The following DOC2A variants were observed in gnomAD, a reference collection of about 807,000 sequenced individuals.
DOC2A encodes the protein double C2-like domain-containing protein alpha.
Under a neutral mutation model 40.6 loss-of-function variants are expected in DOC2A, and 28 were observed. That is an observed-to-expected ratio of 0.69 (90% CI 0.51 to 0.95). DOC2A has a LOEUF of 0.95. Among genes scored for constraint, DOC2A ranks in the 40% least tolerant of loss-of-function variants. The pLI is 0.00. For missense variants in DOC2A, 474 were observed against 552.5 expected, an observed-to-expected ratio of 0.86 and a Z score of 1.42; for synonymous variants, 241 against 236.9, an observed-to-expected ratio of 1.02 and a Z score of -0.16.
Position 30,006,005 on chromosome 16 carries a change from C to T in DOC2A, c.*181G>A. 1 of 680,824 alleles carries T rather than the reference C, an allele frequency of 1.5e-6. No individual in the cohort carries two copies. Among genetic ancestry groups the T allele is most frequent in the Admixed American group, 3.0e-5 (1 of 33,838 alleles). 42.2% of individuals were successfully genotyped at this position (680,824 alleles called of 1,614,324 possible). ...ACTAGCGAGTCAGGCAGGAGGTTTGCATATGTGAATATAGAACTCCGCAGC... is the reference window on the plus strand; with the variant it reads ...ACTAGCGAGTCAGGCAGGAGGTTTGTATATGTGAATATAGAACTCCGCAGC... On this transcript the variant is annotated 3_prime_UTR_variant, in exon 11 of 11. Transcript: ENST00000350119. The surrounding 1 kb of genome is among the most constrained non-coding windows in gnomAD (Gnocchi z 6.2).
chr16:30,006,383 C>T lies in DOC2A; in HGVS notation c.1057+30G>A, dbSNP rs778162140. On this transcript the variant is annotated intron_variant, in intron 10 of 10. Transcript: ENST00000350119. This position sits in a 1 kb window ranked among gnomAD's most constrained non-coding sequence, Gnocchi z 6.2. ...GCCACCTCCCTGCCACTTGCCCGCC[C>T]TCAACACCCGCAGCCAGCTCCTCCC... 12 of 1,613,508 alleles carry T rather than the reference C, an allele frequency of 7.4e-6. No homozygotes were observed. The highest frequency in any genetic ancestry group is 1.6e-4 in the Middle Eastern group (1 of 6,062).
chr16:30,015,767 C>A (rs1370541157), upstream of DOC2A, among the ~76,000 whole-genome samples: 1 of 137,112 alleles, frequency 7.3e-6, no homozygotes, highest in Non-Finnish European at 1.5e-5. Context: ...GTGGCAAGAT[C>A]ATAGCTCACG....
upstream of DOC2A, among the ~76,000 whole-genome samples, chr16:30,017,314 T>G (rs2150963427): frequency 6.7e-6 from 1 of 149,214 alleles, no homozygotes; most frequent in South Asian, 2.1e-4. Flanking sequence ...AAGAAAGAAA[T>G]CATTCCACCA....
chr16:30,010,608 G>A lies in DOC2A; in HGVS notation c.-14+295C>T, dbSNP rs890449877. 121 of 332,918 alleles carry A rather than the reference G, an allele frequency of 3.6e-4. 3 individuals are homozygous for A. Among genetic ancestry groups the A allele is most frequent in the South Asian group, 2.4e-3 (89 of 36,970 alleles). 20.6% of individuals were successfully genotyped at this position (332,918 alleles called of 1,614,324 possible). A position where few individuals can be genotyped will look rare whatever the true frequency, so the allele number is the denominator to read the frequency against. On this transcript the variant is annotated intron_variant, in intron 1 of 10. Transcript: ENST00000350119. The surrounding 1 kb of genome is among the most constrained non-coding windows in gnomAD (Gnocchi z 4.2). ...TGCAGGGCCCCGCCTCTGTTTCTCG[G>A]AGGCTCTGTCCTCCTCTGCACCAGG...
In DOC2A at chr16:30,009,947, GC is replaced by G; in HGVS notation, c.262+13del. On this transcript the variant is annotated intron_variant, in intron 2 of 10. Transcript: ENST00000350119. This position sits in a 1 kb window ranked among gnomAD's most constrained non-coding sequence, Gnocchi z 4.1. Reference sequence around the variant, plus strand: ...CCCCACCAGCACATGGGGCCTCCAAGCCCCCAGACTCACTGGCATCATCCGA... The same window carrying G: ...CCCCACCAGCACATGGGGCCTCCAAGCCCCAGACTCACTGGCATCATCCGA... 1.2e-6 allele frequency: 2 copies of G among 1,610,670 alleles called. No homozygotes were observed. Among genetic ancestry groups the G allele is most frequent in the East Asian group, 2.2e-5 (1 of 44,860 alleles).
rs201177833 is a variant in DOC2A at position 30,006,190 on chromosome 16, G to A, written c.1199C>T (p.Ala400Val). 9 of 1,582,574 alleles carry A rather than the reference G, an allele frequency of 5.7e-6. No individual in the cohort carries two copies. The highest frequency in any genetic ancestry group is 2.1e-4 in the Middle Eastern group (1 of 4,840). Residue 400 changes from alanine (A) to valine (V), a missense_variant, in exon 11 of 11, where the codon GCC (alanine) becomes GTC (valine). By Grantham distance (64) the Ala-to-Val change is moderately conservative. Coordinates refer to ENST00000350119, the MANE Select transcript of DOC2A (RefSeq NM_003586.3). The surrounding 1 kb of genome is among the most constrained non-coding windows in gnomAD (Gnocchi z 6.2). ...TGCCGGGACACTGCTGTCCACTCAG[G>A]CTGAGGACAGAGCCCCGGCCGCAGG... is the stretch of plus-strand genomic sequence containing the variant. Reference protein sequence around the residue: ...LPPAAGALSSA With the variant: ...LPPAAGALSSV
upstream of DOC2A, chr16:30,012,823 C>T (rs2070807023): frequency 6.5e-6 from 1 of 153,056 alleles, no homozygotes; most frequent in African/African-American, 2.4e-5. Context: ...TGAGACTAGC[C>T]TGGCCAACAT....
chr16:30,016,020 A>AATATATATATAT (rs1161591964), upstream of DOC2A, among the ~76,000 whole-genome samples: 12 of 61,166 alleles, frequency 2.0e-4, no homozygotes, highest in African/African-American at 4.8e-4. Context: ...CCAGCACAAT[A>AATATATATATAT]ATATATATAT....
chr16:30,013,683 A>G (rs1350191955), upstream of DOC2A: 1 of 149,738 alleles, frequency 6.7e-6, no homozygotes, highest in Non-Finnish European at 1.5e-5. Context: ...ATGCCAACCC[A>G]TAAGCCAAAT....
chr16:30,009,887 T>G lies in DOC2A; in HGVS notation c.262+74A>C. The G allele has an allele frequency of 8.0e-6, 11 of 1,372,846 alleles. No homozygotes were observed. Among genetic ancestry groups the G allele is most frequent in the Non-Finnish European group, 1.0e-5 (10 of 990,482 alleles). 85.0% of individuals were successfully genotyped at this position (1,372,846 alleles called of 1,614,324 possible). On this transcript the variant is annotated intron_variant, in intron 2 of 10. Coordinates refer to ENST00000350119, the MANE Select transcript of DOC2A (RefSeq NM_003586.3). The surrounding 1 kb of genome is among the most constrained non-coding windows in gnomAD (Gnocchi z 4.1). Reference sequence around the variant, plus strand: ...CTACATGCACAGCCAGCAGGGCCCATCCCCCTCTCCCCCCACCACGGCAAG... The same window carrying G: ...CTACATGCACAGCCAGCAGGGCCCAGCCCCCTCTCCCCCCACCACGGCAAG...
intron 5 of DOC2A, chr16:30,008,440 G>C (rs2150954329): frequency 6.2e-6 from 1 of 160,310 alleles, no homozygotes; most frequent in Admixed American, 5.8e-5. Flanking sequence ...GAAAACAACA[G>C]GAAAAGTTCA....
Position 30,010,074 on chromosome 16 carries a change from C to A in DOC2A, c.149G>T (p.Gly50Val), listed in dbSNP as rs751370717. The stretch of plus-strand genomic sequence containing the variant: ...GGGGACCAGATGGGCGGGGGCCTCC[C>A]CGCCGCCCCCGCCGCCCCCTTCAGG... ...PGPEGGGGGG[G>V]EAPAHLVPLA... The change falls in exon 2 of 11, where the codon GGG (glycine) becomes GTG (valine). Residue 50 changes from glycine to valine, a missense_variant. Coordinates refer to ENST00000350119, the MANE Select transcript of DOC2A (RefSeq NM_003586.3). The surrounding 1 kb of genome is among the most constrained non-coding windows in gnomAD (Gnocchi z 4.2). 1 of 1,611,326 alleles carries A rather than the reference C, an allele frequency of 6.2e-7. No homozygotes were observed. The highest frequency in any genetic ancestry group is 8.5e-7 in the Non-Finnish European group (1 of 1,178,794).
intron 1 of DOC2A, among the ~76,000 whole-genome samples, chr16:30,018,053 C>T (rs1267332888): frequency 6.9e-6 from 1 of 145,892 alleles, no homozygotes; most frequent in Non-Finnish European, 1.5e-5. Context: ...ATCCCTTGAG[C>T]CCCGGAGTTC....
Position 30,010,454 on chromosome 16 carries a change from G to A in DOC2A, c.-13-219C>T, listed in dbSNP as rs1169185621. 5 of 635,262 alleles carry A rather than the reference G, an allele frequency of 7.9e-6. No individual in the cohort carries two copies. The highest frequency in any genetic ancestry group is 1.4e-5 in the Non-Finnish European group (5 of 358,176). 39.4% of individuals were successfully genotyped at this position (635,262 alleles called of 1,614,324 possible). On this transcript the variant is annotated intron_variant, in intron 1 of 10. Coordinates refer to ENST00000350119, the MANE Select transcript of DOC2A (RefSeq NM_003586.3). This position sits in a 1 kb window ranked among gnomAD's most constrained non-coding sequence, Gnocchi z 4.2. ...CTGGGCTGCCAACCCACTCCTTGCA[G>A]AAGTCGAGGTTGCACCACCCCGTCC...
chr16:30,020,847 AAAAAC>A (rs1378776160), intron 1 of DOC2A, among the ~76,000 whole-genome samples: 2 of 152,084 alleles, frequency 1.3e-5, no homozygotes, highest in Non-Finnish European at 2.9e-5. Context: ...ACTCCATCTA[AAAAAC>A]AAAACAAAAC....
upstream of DOC2A, chr16:30,013,622 A>AAAAATAAAAAAAAAAAAAT (rs2070821622): frequency 7.1e-6 from 1 of 141,594 alleles, no homozygotes; most frequent in Non-Finnish European, 1.5e-5. Flanking sequence ...AAAAAAAAAA[A>AAAAATAAAAAAAAAAAAAT]AAAAATCCTT....
upstream of DOC2A, among the ~76,000 whole-genome samples, chr16:30,015,754 G>T: frequency 7.4e-6 from 1 of 134,668 alleles, no homozygotes; most frequent in African/African-American, 2.7e-5. Context: ...AGGCTGGAGT[G>T]CAGTGGCAAG....
At position 30,009,920 on chromosome 16, in the gene DOC2A, A is replaced by T. The variant is rs758391628; in HGVS notation, c.262+41T>A. ...TCCCCCCACCACGGCAAGCCTGGAG[A>T]CCCCCACCAGCACATGGGGCCTCCA... On this transcript the variant is annotated intron_variant, in intron 2 of 10. Coordinates refer to ENST00000350119, the MANE Select transcript of DOC2A (RefSeq NM_003586.3). This position sits in a 1 kb window ranked among gnomAD's most constrained non-coding sequence, Gnocchi z 4.1. 1 of 1,604,280 alleles carries T rather than the reference A, an allele frequency of 6.2e-7. No homozygotes were observed. The highest frequency in any genetic ancestry group is 8.5e-7 in the Non-Finnish European group (1 of 1,176,618).
chr16:30,008,905 C>G (rs564730751), intron 5 of DOC2A, 91 bp downstream of exon 5: 36 of 904,534 alleles, frequency 4.0e-5, no homozygotes, highest in Non-Finnish European at 6.1e-5. Context: ...CAGAGAGGTA[C>G]GGGCTTAATG....
Sources: allele counts gnomAD v4.1 joint callset (sites outside exome capture counted in the v4.1 genomes callset), GRCh38; gene constraint gnomAD v4.1.1; non-coding constraint Gnocchi (gnomAD v3.1); transcripts MANE v1.5; gene names NCBI Gene and HGNC (gene_info 2026-07-23, HGNC 2026-07-21).